The following TTC39C variants were observed in gnomAD, a reference collection of about 807,000 sequenced individuals.
The protein encoded by TTC39C is tetratricopeptide repeat protein 39C.
A neutral mutation model predicts 76.3 loss-of-function variants in TTC39C; 33 were observed. The observed-to-expected ratio is 0.43, with a 90% CI of 0.33 to 0.58. TTC39C has a LOEUF of 0.58. Ranked by LOEUF, TTC39C falls within the 20% of genes least tolerant of loss-of-function variation. TTC39C has a pLI of 0.04. For synonymous variants in TTC39C, 254 were observed against 260.6 expected, an observed-to-expected ratio of 0.97 and a Z score of 0.24; for missense variants, 595 against 701.4, an observed-to-expected ratio of 0.85 and a Z score of 1.71.
At chr18:24,042,479 G>T (rs893415309) in intron 1 of TTC39C, among the ~76,000 whole-genome samples, 25 of 152,168 alleles carry the variant, frequency 1.6e-4, no homozygotes, top group African/African-American at 6.0e-4. Context: ...GAGGTGGAGC[G>T]CAGGTGGTAA....
In TTC39C at chr18:24,110,729, G is replaced by A. The variant is rs761751379; in HGVS notation, c.985-3825G>A. ...CTTTCATAACAATGCCATGGCTGCC[G>A]ATTATGCTGGTGTGAATTTGTCAAT... On this transcript the variant is annotated intron_variant, in intron 6 of 13. Coordinates refer to ENST00000317571, the MANE Select transcript of TTC39C (RefSeq NM_001135993.2). 3.9e-5 allele frequency among the ~76,000 whole-genome samples: 6 copies of A among 152,242 alleles called. 1 individual carries two copies. The highest frequency in any genetic ancestry group is 7.3e-5 in the Non-Finnish European group (5 of 68,044).
intron 3 of TTC39C, among the ~76,000 whole-genome samples, chr18:24,068,683 A>G (rs532614054): frequency 3.9e-5 from 6 of 152,346 alleles, no homozygotes; most frequent in South Asian, 2.1e-4. Flanking sequence ...CTTAATGGAA[A>G]TGTAATCAGT....
intron 1 of TTC39C, among the ~76,000 whole-genome samples, chr18:24,030,954 T>C (rs988431940): frequency 6.8e-6 from 1 of 147,168 alleles, no homozygotes; most frequent in Non-Finnish European, 1.5e-5. Context: ...CTTTTTGTTT[T>C]TGTTTTTGAG....
intron 1 of TTC39C, chr18:24,006,432 T>C (rs1455653025): frequency 6.6e-6 from 1 of 152,208 alleles, no homozygotes; most frequent in Non-Finnish European, 1.5e-5. Context: ...CTCCTGCAAT[T>C]GTCTTCAAAA....
chr18:24,055,865 T>C (rs2084009028), intron 1 of TTC39C, among the ~76,000 whole-genome samples: 1 of 152,218 alleles, frequency 6.6e-6, no homozygotes, highest in East Asian at 1.9e-4. Context: ...TTTTTCTCTG[T>C]TCTGGATAAT....
chr18:24,129,426 T>G (rs558207919), intron 11 of TTC39C, among the ~76,000 whole-genome samples: 119 of 152,276 alleles, frequency 7.8e-4, no homozygotes, highest in African/African-American at 2.7e-3. Context: ...TTTGTTTGAT[T>G]GCTTGTTTTG....
At chr18:24,044,881 A>G (rs2083844130) in intron 1 of TTC39C, among the ~76,000 whole-genome samples, 1 of 152,178 alleles carries the variant, frequency 6.6e-6, no homozygotes, top group African/African-American at 2.4e-5. Flanking sequence ...ACTTGTTTAG[A>G]AACAAAAATG....
intron 1 of TTC39C, among the ~76,000 whole-genome samples, chr18:24,001,912 G>A (rs1316265006): frequency 7.0e-6 from 1 of 143,302 alleles, no homozygotes; most frequent in African/African-American, 2.6e-5. Flanking sequence ...TGCAAGCTCC[G>A]CCTCCCGGGT....
chr18:24,116,280 C>T (rs531207987), intron 7 of TTC39C, among the ~76,000 whole-genome samples: 3 of 152,348 alleles, frequency 2.0e-5, no homozygotes, highest in Admixed American at 1.3e-4. Flanking sequence ...CGGTGGCCCA[C>T]GCCTGTAATC....
At chr18:24,113,666 GT>G (rs1188515274) in intron 6 of TTC39C, 1 of 702,248 alleles carries the variant, frequency 1.4e-6, no homozygotes, top group Non-Finnish European at 2.6e-6. Context: ...TTTATTAATG[GT>G]ATGTGACATT....
chr18:24,087,595 T>TTTTTTTTTTGTG (rs1342296776), intron 6 of TTC39C, among the ~76,000 whole-genome samples: 2 of 149,634 alleles, frequency 1.3e-5, no homozygotes, highest in Non-Finnish European at 3.0e-5. Context: ...TTTTTTTTGT[T>TTTTTTTTTTGTG]TTTTTTTGAG....
At chr18:24,022,590 G>A in intron 1 of TTC39C, 2 of 985,290 alleles carry the variant, frequency 2.0e-6, no homozygotes, top group African/African-American at 1.7e-5. Context: ...GCCATTTTGG[G>A]GCAAGTTCCT....
chr18:24,111,894 C>G (rs4800545), intron 6 of TTC39C, among the ~76,000 whole-genome samples: 7 of 149,902 alleles, frequency 4.7e-5, no homozygotes, highest in African/African-American at 9.9e-5. Flanking sequence ...AGAGCAAGAC[C>G]CTATCTTTAA....
intron 2 of TTC39C, 54 bp downstream of exon 2, chr18:24,064,242 A>G: frequency 6.3e-7 from 1 of 1,596,904 alleles, no homozygotes; most frequent in South Asian, 1.1e-5. Flanking sequence ...ATATAAAGTA[A>G]TGTCTGTTAG....
At chr18:24,126,219 GTTC>G (rs372320060) in intron 10 of TTC39C, among the ~76,000 whole-genome samples, 2 of 152,102 alleles carry the variant, frequency 1.3e-5, no homozygotes, top group African/African-American at 4.8e-5. Flanking sequence ...AAAGAAATAT[GTTC>G]TTCTTCATAT....
At chr18:24,057,936 G>GAT (rs2084037562) in intron 1 of TTC39C, among the ~76,000 whole-genome samples, 1 of 152,198 alleles carries the variant, frequency 6.6e-6, no homozygotes, top group African/African-American at 2.4e-5. Flanking sequence ...TTGGAGACTG[G>GAT]ATAAAGAAAA....
chr18:24,099,990 T>A (rs1305959068), intron 6 of TTC39C, among the ~76,000 whole-genome samples: 1 of 152,206 alleles, frequency 6.6e-6, no homozygotes, highest in African/African-American at 2.4e-5. Context: ...GATTATCATA[T>A]TGGTTTTGAG....
chr18:24,043,666 G>A (rs2083825533), intron 1 of TTC39C, among the ~76,000 whole-genome samples: 1 of 152,124 alleles, frequency 6.6e-6, no homozygotes, highest in Non-Finnish European at 1.5e-5. Context: ...CACATTCAGA[G>A]CTTTCACACA....
chr18:24,073,711 G>T (rs1040325527), intron 4 of TTC39C, among the ~76,000 whole-genome samples: 1 of 151,984 alleles, frequency 6.6e-6, no homozygotes, highest in African/African-American at 2.4e-5. Flanking sequence ...TAGAGATAGG[G>T]GTCTCACTAT....
Sources: allele counts gnomAD v4.1 joint callset (sites outside exome capture counted in the v4.1 genomes callset), GRCh38; gene constraint gnomAD v4.1.1; transcripts MANE v1.5; gene names NCBI Gene and HGNC (gene_info 2026-07-23, HGNC 2026-07-21).